The following PPP2R5E variants were observed in gnomAD, a reference collection of about 807,000 sequenced individuals.
The protein encoded by PPP2R5E is protein phosphatase 2 regulatory subunit B'epsilon.
Under a neutral mutation model 65.3 loss-of-function variants are expected in PPP2R5E, and 4 were observed. That is an observed-to-expected ratio of 0.06 (90% CI 0.03 to 0.14). The LOEUF is 0.14. Among genes scored for constraint, PPP2R5E ranks in the 10% least tolerant of loss-of-function variants. The probability of loss-of-function intolerance (pLI) is 1.00; values close to 1 mark genes in which losing one functional copy is unlikely to be tolerated. For missense variants in PPP2R5E, 274 were observed against 556.1 expected (o/e 0.49, Z 5.10); for synonymous variants, 183 against 187.4 (o/e 0.98, Z 0.19).
chr14:63,453,725 A>G lies in PPP2R5E; in HGVS notation c.318T>C (p.Cys106=), dbSNP rs1888978364. The change falls in exon 3 of 14, where the codon TGT becomes TGC. Residue 106 remains cysteine, a synonymous_variant. Transcript: ENST00000337537. ...CTTCAGGGTAAGTCTGCTCTGTCAA[A>G]CAGCCTCTGCTTATTGTAATGTAGT... The part of the protein sequence containing the change: ...LVDYITISRG[C]LTEQTYPEVV... The G allele has an allele frequency of 6.2e-7, 1 of 1,613,766 alleles. No homozygotes were observed. Among genetic ancestry groups the G allele is most frequent in the African/African-American group, 1.3e-5 (1 of 74,910 alleles).
intron 11 of PPP2R5E, 133 bp downstream of exon 11, chr14:63,389,479 T>TGTGTGTAGAAAGTGA: frequency 9.1e-7 from 1 of 1,096,474 alleles, no homozygotes; most frequent in Non-Finnish European, 1.2e-6. Flanking sequence ...CTGGCCACTA[T>TGTGTGTAGAAAGTGA]TAAAATTATC....
At chr14:63,412,479 C>G (rs575594895) in intron 5 of PPP2R5E, among the ~76,000 whole-genome samples, 1 of 152,258 alleles carries the variant, frequency 6.6e-6, no homozygotes, top group East Asian at 1.9e-4. Context: ...AGGCTCAGGG[C>G]ATTCTGTTCA....
chr14:63,441,778 C>T (rs1344213850), intron 3 of PPP2R5E, among the ~76,000 whole-genome samples: 4 of 151,824 alleles, frequency 2.6e-5, no homozygotes, highest in Admixed American at 1.3e-4. Context: ...GGTGTGGTGG[C>T]GGGCACCTGT....
chr14:63,395,437 G>A, intron 6 of PPP2R5E, 152 bp from the exon 7 acceptor site: 1 of 115,904 alleles, frequency 8.6e-6, no homozygotes, highest in Non-Finnish European at 1.5e-5. Context: ...GGGAGGACAA[G>A]GGGGAAGAGA....
chr14:63,529,014 C>G (rs1481155864), intron 2 of PPP2R5E, among the ~76,000 whole-genome samples: 3 of 151,718 alleles, frequency 2.0e-5, no homozygotes, highest in African/African-American at 4.8e-5. Context: ...ACTTCAAACA[C>G]TTTTTTTTCC....
chr14:63,459,747 T>C (rs1264377860), intron 2 of PPP2R5E, among the ~76,000 whole-genome samples: 1 of 152,214 alleles, frequency 6.6e-6, no homozygotes, highest in East Asian at 1.9e-4. Context: ...GATTTCAGTA[T>C]GTCACTACGG....
rs942681847 is a variant in PPP2R5E, at chr14:63,492,383, G to C, written c.158-38498C>G. On this transcript the variant is annotated intron_variant, in intron 2 of 13. Coordinates refer to ENST00000337537, the MANE Select transcript of PPP2R5E (RefSeq NM_006246.5). ...ATTCCTGTTTCTCTCTTACATGATGGTTGACAATGTAAAAAATTAAACCAA... is the reference window on the plus strand; with the variant it reads ...ATTCCTGTTTCTCTCTTACATGATGCTTGACAATGTAAAAAATTAAACCAA... Among the ~76,000 whole-genome samples the C allele has an allele frequency of 5.3e-5, 8 of 152,156 alleles. No homozygotes were observed. The East Asian group carries it at 1.3e-3, about 26-fold the overall frequency.
intron 11 of PPP2R5E, among the ~76,000 whole-genome samples, chr14:63,386,651 G>A (rs1057003794): frequency 1.3e-5 from 2 of 152,110 alleles, no homozygotes; most frequent in African/African-American, 4.8e-5. Flanking sequence ...GGCTGGGTGT[G>A]GTGGCTCATG....
rs1288601588 is a variant in PPP2R5E, at chr14:63,495,309, C to T, written c.158-41424G>A. On this transcript the variant is annotated intron_variant, in intron 2 of 13. Coordinates refer to ENST00000337537, the MANE Select transcript of PPP2R5E (RefSeq NM_006246.5). ...ATGTCTGGCCAGGCACGGTGGTTCA[C>T]GCCTGAAATCCCAGCACTTTGGGAG... is the stretch of plus-strand genomic sequence containing the variant. Among the ~76,000 whole-genome samples, 4 of 150,510 alleles carry T rather than the reference C, an allele frequency of 2.7e-5. No individual in the cohort carries two copies. The South Asian group carries it at 6.3e-4, about 24-fold the overall frequency.
intron 2 of PPP2R5E, among the ~76,000 whole-genome samples, chr14:63,485,305 T>C (rs879564718): frequency 6.6e-6 from 1 of 152,166 alleles, no homozygotes; most frequent in Admixed American, 6.5e-5. Flanking sequence ...GGTCTCACTA[T>C]GTTGCTCAAG....
At chr14:63,449,098 G>A (rs1301527452) in intron 3 of PPP2R5E, among the ~76,000 whole-genome samples, 1 of 151,982 alleles carries the variant, frequency 6.6e-6, no homozygotes, top group African/African-American at 2.4e-5. Context: ...TACTCATCCT[G>A]GTTTGCAAAA....
chr14:63,407,060 T>C (rs759052825), intron 5 of PPP2R5E, among the ~76,000 whole-genome samples: 1 of 152,216 alleles, frequency 6.6e-6, no homozygotes, highest in Admixed American at 6.5e-5. Flanking sequence ...GAACCATGTG[T>C]TGGGAATACT....
chr14:63,534,322 T>C (rs1296624441), intron 2 of PPP2R5E, among the ~76,000 whole-genome samples: 1 of 152,108 alleles, frequency 6.6e-6, no homozygotes, highest in Non-Finnish European at 1.5e-5. Context: ...GAGTTTATAG[T>C]GGCACAATAT....
chr14:63,482,318 G>A lies in PPP2R5E; in HGVS notation c.158-28433C>T, dbSNP rs187295804. ...CTACTAAAAATACAAAATTAGCCGG[G>A]CATGGTGGCGCGTGCTTGTAATCTC... is the stretch of plus-strand genomic sequence containing the variant. On this transcript the variant is annotated intron_variant, in intron 2 of 13. Coordinates refer to ENST00000337537, the MANE Select transcript of PPP2R5E (RefSeq NM_006246.5). Among the ~76,000 whole-genome samples the A allele has an allele frequency of 7.1e-3, 1,078 of 152,268 alleles. 10 individuals carry two copies. Among genetic ancestry groups the A allele is most frequent in the Non-Finnish European group, 8.8e-3 (599 of 68,018 alleles).
intron 2 of PPP2R5E, among the ~76,000 whole-genome samples, chr14:63,535,361 C>CA (rs1893626304): frequency 6.6e-6 from 1 of 151,918 alleles, no homozygotes. Flanking sequence ...GCAGAGGTTG[C>CA]AGTGAGCTGA....
At chr14:63,523,309 C>T (rs1344872788) in intron 2 of PPP2R5E, among the ~76,000 whole-genome samples, 2 of 152,042 alleles carry the variant, frequency 1.3e-5, no homozygotes, top group Admixed American at 6.5e-5. Context: ...GGATGGTTGC[C>T]GTGTTTGTGT....
chr14:63,467,553 T>C (rs1242940779), intron 2 of PPP2R5E, among the ~76,000 whole-genome samples: 1 of 152,090 alleles, frequency 6.6e-6, no homozygotes, highest in Non-Finnish European at 1.5e-5. Context: ...CCAGACCACA[T>C]ATGAGAAATA....
chr14:63,403,659 G>A (rs575577922), intron 5 of PPP2R5E, among the ~76,000 whole-genome samples: 1 of 151,238 alleles, frequency 6.6e-6, no homozygotes, highest in African/African-American at 2.4e-5. Context: ...AAAAGTAACT[G>A]ATAGACTAGT....
chr14:63,486,972 A>G (rs1891030979), intron 2 of PPP2R5E, among the ~76,000 whole-genome samples: 1 of 152,182 alleles, frequency 6.6e-6, no homozygotes, highest in Admixed American at 6.5e-5. Context: ...GCCCTCTTGA[A>G]TTATATACAA....
Sources: gnomAD v4.1 joint callset for allele counts (sites outside exome capture counted in the v4.1 genomes callset) on GRCh38, gnomAD v4.1.1 for gene constraint, MANE v1.5 for transcripts, NCBI Gene and HGNC (gene_info 2026-07-23, HGNC 2026-07-21) for gene names.